The following PCDH9 variants were observed in gnomAD, a reference collection of about 807,000 sequenced individuals.
PCDH9 encodes the protein protocadherin 9, also known as protocadherin-9.
PCDH9 carries 24 observed loss-of-function variants against 70.6 expected under a neutral mutation model. That is an observed-to-expected ratio of 0.34 (90% CI 0.25 to 0.48). The LOEUF is 0.48. Among genes scored for constraint, PCDH9 ranks in the 20% least tolerant of loss-of-function variants. The probability of loss-of-function intolerance (pLI) is 0.99; values close to 1 mark genes in which losing one functional copy is unlikely to be tolerated. For missense variants in PCDH9, 1,281 were observed against 1,503.6 expected, an observed-to-expected ratio of 0.85 and a Z score of 2.45; for synonymous variants, 562 against 558.5, an observed-to-expected ratio of 1.01 and a Z score of -0.09.
rs1322373052 is a variant in PCDH9 at position 66,583,568 on chromosome 13, C to T, written c.3340+47642G>A. 2.0e-5 allele frequency among the ~76,000 whole-genome samples: 3 copies of T among 151,818 alleles called. No homozygotes were observed. The East Asian group carries it at 5.8e-4, about 29-fold the overall frequency. On this transcript the variant is annotated intron_variant, in intron 4 of 4. Coordinates refer to ENST00000377865, the MANE Select transcript of PCDH9 (RefSeq NM_203487.3). ...GGCGGAAGTTACAGTGCGCTGAGATCCCGCCACTGTACTCCAGTCTGGGTG... is the reference window on the plus strand; with the variant it reads ...GGCGGAAGTTACAGTGCGCTGAGATTCCGCCACTGTACTCCAGTCTGGGTG...
At chr13:66,782,475 T>C (rs2080014704) in intron 3 of PCDH9, among the ~76,000 whole-genome samples, 1 of 152,096 alleles carries the variant, frequency 6.6e-6, no homozygotes. Flanking sequence ...ATTTGAAATC[T>C]GACTAGTCTA....
At chr13:66,413,766 T>C (rs1957414890) in intron 4 of PCDH9, among the ~76,000 whole-genome samples, 1 of 151,942 alleles carries the variant, frequency 6.6e-6, no homozygotes, top group Non-Finnish European at 1.5e-5. Context: ...TTTGAAAATA[T>C]ATGTTTGGAT....
intron 3 of PCDH9, among the ~76,000 whole-genome samples, chr13:66,794,977 G>GCACACACA (rs71107002): frequency 0.44 from 64,759 of 147,076 alleles, 14,477 homozygotes; most frequent in East Asian, 0.54. Flanking sequence ...ACACACACAG[G>GCACACACA]CACACACACA....
intron 3 of PCDH9, among the ~76,000 whole-genome samples, chr13:66,681,946 C>T (rs1259250394): frequency 2.2e-5 from 1 of 44,694 alleles, no homozygotes; most frequent in East Asian, 4.7e-4. Context: ...TGAGTATATA[C>T]AAACATATAT....
intron 4 of PCDH9, among the ~76,000 whole-genome samples, chr13:66,481,089 G>A (rs1018667426): frequency 2.6e-5 from 4 of 152,004 alleles, no homozygotes; most frequent in Non-Finnish European, 4.4e-5. Context: ...TGACTCATAA[G>A]TGGGAGTCGA....
intron 2 of PCDH9, among the ~76,000 whole-genome samples, chr13:66,916,762 A>G (rs371488760): frequency 7.3e-4 from 110 of 151,622 alleles, no homozygotes; most frequent in African/African-American, 2.5e-3. Context: ...ACTACAGAAT[A>G]TTATTTCCAT....
At chr13:66,624,407 C>T (rs138866509) in intron 4 of PCDH9, among the ~76,000 whole-genome samples, 17 of 152,298 alleles carry the variant, frequency 1.1e-4, no homozygotes, top group African/African-American at 3.6e-4. Flanking sequence ...AAATTCAGTG[C>T]GATAAATACT....
At chr13:67,190,672 A>C (rs2088886725) in intron 2 of PCDH9, among the ~76,000 whole-genome samples, 1 of 152,034 alleles carries the variant, frequency 6.6e-6, no homozygotes, top group Non-Finnish European at 1.5e-5. Context: ...GCCCAAATAC[A>C]CTAATAATAT....
chr13:67,188,103 C>G (rs997600077), intron 2 of PCDH9, among the ~76,000 whole-genome samples: 1 of 151,918 alleles, frequency 6.6e-6, no homozygotes, highest in Non-Finnish European at 1.5e-5. Context: ...ACCAATAAGA[C>G]AATTTATATG....
chr13:66,875,740 T>G (rs1425094857), intron 3 of PCDH9, among the ~76,000 whole-genome samples: 3 of 152,220 alleles, frequency 2.0e-5, no homozygotes, highest in Admixed American at 6.5e-5. Context: ...ATTTATAGTT[T>G]ACTGCTAACA....
intron 2 of PCDH9, among the ~76,000 whole-genome samples, chr13:67,072,092 T>C (rs571178838): frequency 6.6e-6 from 1 of 152,122 alleles, no homozygotes; most frequent in Non-Finnish European, 1.5e-5. Flanking sequence ...GAGTGACTAC[T>C]GATCTCTCTG....
At chr13:67,158,680 A>G (rs1208700504) in intron 2 of PCDH9, among the ~76,000 whole-genome samples, 1 of 152,226 alleles carries the variant, frequency 6.6e-6, no homozygotes, top group Non-Finnish European at 1.5e-5. Context: ...ACTGTGAGAA[A>G]TAAATTTGCT....
In PCDH9 at chr13:67,226,288, A is replaced by G; in HGVS notation, c.2153T>C (p.Val718Ala). The change falls in exon 2 of 5, where the codon GTG (valine) becomes GCG (alanine). Residue 718 changes from valine to alanine, a missense_variant. By Grantham distance (64) the Val-to-Ala change is moderately conservative (BLOSUM62 0). This residue lies in a region of PCDH9 where 798 missense variants were observed against 1,003.1 expected (regional missense o/e 0.80). Transcript: ENST00000377865. This position sits in a 1 kb window ranked among gnomAD's most constrained non-coding sequence, Gnocchi z 5.0. Reference protein sequence around the residue: ...GMNAELKYTIVSGNNKGLFRI... With the variant: ...GMNAELKYTIASGNNKGLFRI... ...GAATAAGCCTTTATTGTTTCCACTC[A>G]CTATAGTATACTTTAGTTCAGCGTT... is the stretch of plus-strand genomic sequence containing the variant. 6.2e-7 allele frequency: 1 copy of G among 1,614,076 alleles called. No individual in the cohort carries two copies. Among genetic ancestry groups the G allele is most frequent in the South Asian group, 1.1e-5 (1 of 91,074 alleles).
intron 3 of PCDH9, among the ~76,000 whole-genome samples, chr13:66,660,337 C>G (rs9540862): frequency 0.1 from 14,881 of 145,678 alleles, 752 homozygotes; most frequent in Middle Eastern, 0.13. Context: ...TTTTTGTCAT[C>G]ATTGACCTTA....
chr13:67,166,386 C>A (rs575802539), intron 2 of PCDH9, among the ~76,000 whole-genome samples: 1 of 152,146 alleles, frequency 6.6e-6, no homozygotes, highest in Non-Finnish European at 1.5e-5. Flanking sequence ...TCCTTTTGAT[C>A]GGAAGCCTGA....
At chr13:66,364,179 G>A (rs1956517158) in intron 4 of PCDH9, among the ~76,000 whole-genome samples, 1 of 151,908 alleles carries the variant, frequency 6.6e-6, no homozygotes, top group Non-Finnish European at 1.5e-5. Context: ...AAAAAAAAAG[G>A]AAGAAAGAAA....
chr13:66,824,747 C>G (rs2080787745), intron 3 of PCDH9, among the ~76,000 whole-genome samples: 1 of 147,316 alleles, frequency 6.8e-6, no homozygotes, highest in African/African-American at 2.5e-5. Context: ...TATACACACA[C>G]ACATACATAT....
chr13:66,393,457 G>A (rs180813424), intron 4 of PCDH9, among the ~76,000 whole-genome samples: 15 of 152,274 alleles, frequency 9.9e-5, no homozygotes, highest in Admixed American at 2.0e-4. Flanking sequence ...CTGATACCTG[G>A]CTGGAGAACA....
intron 2 of PCDH9, among the ~76,000 whole-genome samples, chr13:67,129,929 A>T (rs973981890): frequency 6.6e-6 from 1 of 152,244 alleles, no homozygotes; most frequent in East Asian, 1.9e-4. Context: ...TAATTATTTT[A>T]AAATTTTTAA....
Sources: allele counts gnomAD v4.1 joint callset (sites outside exome capture counted in the v4.1 genomes callset), GRCh38; gene constraint gnomAD v4.1.1; regional missense constraint gnomAD v4.1.1; non-coding constraint Gnocchi (gnomAD v3.1); transcripts MANE v1.5; gene names NCBI Gene and HGNC (gene_info 2026-07-23, HGNC 2026-07-21).